CEP76: variants seen among roughly 807,000 people sequenced by gnomAD.
The protein encoded by CEP76 is centrosomal protein 76, also known as centrosomal protein of 76 kDa.
A neutral mutation model predicts 83.3 loss-of-function variants in CEP76; 55 were observed. The observed-to-expected ratio is 0.66, with a 90% confidence interval of 0.53 to 0.83. The LOEUF (loss-of-function observed/expected upper bound fraction) is 0.83, where lower values mean the gene tolerates loss of function less well. Among genes scored for constraint, CEP76 ranks in the 40% least tolerant of loss-of-function variants. The pLI is 0.00. For missense variants in CEP76, 694 were observed against 799.5 expected (o/e 0.87, Z 1.59); for synonymous variants, 270 against 274.5 (o/e 0.98, Z 0.16).
chr18:12,686,227 T>A (rs771969349), intron 8 of CEP76, 35 bp downstream of exon 8: 2 of 1,523,926 alleles, frequency 1.3e-6, no homozygotes, highest in African/African-American at 1.4e-5. Context: ...AACTATGATA[T>A]ACTGCTACTT....
chr18:12,696,263 G>C (rs1357260832), intron 5 of CEP76, among the ~76,000 whole-genome samples: 1 of 152,118 alleles, frequency 6.6e-6, no homozygotes, highest in Non-Finnish European at 1.5e-5. Context: ...CCAGCACTTT[G>C]GGAGGCCGAG....
chr18:12,672,513 T>C (rs8087452), downstream of CEP76: 234,056 of 236,386 alleles, frequency 0.99, 115,914 homozygotes, highest in Middle Eastern at 1. Context: ...ATCAATCTCT[T>C]ATTTAGATTA....
intron 7 of CEP76, among the ~76,000 whole-genome samples, chr18:12,689,631 C>T (rs2039674813): frequency 6.6e-6 from 1 of 152,166 alleles, no homozygotes; most frequent in Non-Finnish European, 1.5e-5. Flanking sequence ...TAGTGCATTT[C>T]AACTTCTTCC....
rs772814209 is a variant in CEP76, at chr18:12,700,930, TC to T, written c.219+27del. On this transcript the variant is annotated intron_variant, in intron 2 of 11. Coordinates refer to ENST00000262127, the MANE Select transcript of CEP76 (RefSeq NM_024899.4). ...CGCATTAGTATATACATATATACTCTCATTTATTTCCCTAAAAGATTACTCA... is the reference window on the plus strand; with the variant it reads ...CGCATTAGTATATACATATATACTCTATTTATTTCCCTAAAAGATTACTCA... 8.2e-6 allele frequency: 13 copies of T among 1,584,072 alleles called. No homozygotes were observed. The South Asian group carries it at 1.2e-4, about 15-fold the overall frequency.
At position 12,695,335 on chromosome 18, in the gene CEP76, AACTTT is replaced by A; in HGVS notation, c.718_722del (p.Lys240PhefsTer10). 3 of 1,528,438 alleles carry A rather than the reference AACTTT, an allele frequency of 2.0e-6. No homozygotes were observed. The highest frequency in any genetic ancestry group is 2.7e-6 in the Non-Finnish European group (3 of 1,111,566). 94.7% of individuals were successfully genotyped at this position (1,528,438 alleles called of 1,614,324 possible). On this transcript the variant is annotated frameshift_variant, in exon 6 of 12. Transcript: ENST00000262127. LOFTEE classifies it high-confidence loss of function. ...GTTTTATATTTAAAATTCCCACAGAAACTTTTGATTCTGTGCCTATAAACATAAAT... is the reference window on the plus strand; with the variant it reads ...GTTTTATATTTAAAATTCCCACAGAATGATTCTGTGCCTATAAACATAAAT...
chr18:12,701,106 A>G lies in CEP76; in HGVS notation c.71T>C (p.Val24Ala), dbSNP rs751320382. 18 of 1,610,372 alleles carry G rather than the reference A, an allele frequency of 1.1e-5. No homozygotes were observed. Among genetic ancestry groups the G allele is most frequent in the Admixed American group, 8.4e-5 (5 of 59,286 alleles). Residue 24 changes from valine to alanine, a missense_variant, in exon 2 of 12, where the codon GTC (valine) becomes GCC (alanine). Physicochemically the swap from Val to Ala is moderately conservative, Grantham distance 64. Transcript: ENST00000262127. ...LIHQQLSKMD[V>A]HGRIREILAE... ...AAGGATTTCTCTTATTCTACCATGG[A>G]CATCCATCTATGTAGAAAACTCATA...
rs913006600 is a variant in CEP76, at chr18:12,673,202, C to T, written c.*163G>A. Reference sequence around the variant, plus strand: ...TTCAGCCTTAATTTTTAAAGGAATGCATGATTTTTTTTAAACATTACCAGT... The same window carrying T: ...TTCAGCCTTAATTTTTAAAGGAATGTATGATTTTTTTTAAACATTACCAGT... On this transcript the variant is annotated 3_prime_UTR_variant, in exon 12 of 12. Coordinates refer to ENST00000262127, the MANE Select transcript of CEP76 (RefSeq NM_024899.4). 2 of 1,322,472 alleles carry T rather than the reference C, an allele frequency of 1.5e-6. No homozygotes were observed. Among genetic ancestry groups the T allele is most frequent in the Non-Finnish European group, 1.9e-6 (2 of 1,033,078 alleles). The allele number at this position is 1,322,472 out of a possible 1,614,324, so 81.9% of individuals were successfully genotyped here.
intron 8 of CEP76, among the ~76,000 whole-genome samples, chr18:12,682,138 T>G (rs2064790094): frequency 6.6e-6 from 1 of 152,174 alleles, no homozygotes; most frequent in Non-Finnish European, 1.5e-5. Context: ...ACTATTTGAG[T>G]TGAGTGTCCG....
intron 11 of CEP76, 79 bp from the exon 12 acceptor site, chr18:12,673,582 T>C: frequency 8.0e-7 from 1 of 1,246,024 alleles, no homozygotes; most frequent in East Asian, 2.7e-5. Flanking sequence ...AATCAGTATT[T>C]AAAATAATTT....
At chr18:12,685,451 A>C (rs1286451886) in intron 8 of CEP76, 2 of 152,112 alleles carry the variant, frequency 1.3e-5, no homozygotes, top group Admixed American at 6.6e-5. Context: ...ACATCACAGA[A>C]ATCACAATAA....
downstream of CEP76, chr18:12,670,785 C>A (rs776001760): frequency 6.6e-6 from 1 of 151,794 alleles, no homozygotes; most frequent in African/African-American, 2.4e-5. Context: ...GCAGCTGGGA[C>A]CACAGGTGTG....
Position 12,680,827 on chromosome 18 carries a change from C to A in CEP76, c.1124G>T (p.Gly375Val), listed in dbSNP as rs981530115. The change falls in exon 9 of 12, where the codon GGT becomes GTT. Residue 375 changes from glycine to valine, a missense_variant and splice_region_variant. By Grantham distance (109) the Gly-to-Val change is moderately radical (BLOSUM62 -3). Transcript: ENST00000262127. ...AAGGTTAGCGTGATCTTCACAGTCA[C>A]CCTGGAAGATAAATTAAAATGAAGT... is the stretch of plus-strand genomic sequence containing the variant. ...TLLAFLCRNK[G>V]DCEDHANLLC... 11 of 1,602,098 alleles carry A rather than the reference C, an allele frequency of 6.9e-6. No homozygotes were observed. The highest frequency in any genetic ancestry group is 1.3e-5 in the African/African-American group (1 of 74,298).
chr18:12,696,028 G>A (rs1362875514), intron 5 of CEP76, among the ~76,000 whole-genome samples: 3 of 152,086 alleles, frequency 2.0e-5, no homozygotes, highest in Non-Finnish European at 4.4e-5. Flanking sequence ...ACATCAAAAC[G>A]ATTTAATGTT....
chr18:12,689,135 T>G (rs1007006789), intron 7 of CEP76, among the ~76,000 whole-genome samples: 1 of 151,732 alleles, frequency 6.6e-6, no homozygotes, highest in Admixed American at 6.6e-5. Flanking sequence ...AAAAGTTCTT[T>G]ACTTTACTTT....
intron 12 of CEP76, among the ~76,000 whole-genome samples, chr18:12,665,389 A>G (rs1303096051): frequency 6.6e-6 from 1 of 152,028 alleles, no homozygotes; most frequent in Non-Finnish European, 1.5e-5. Context: ...TTCATGCCTT[A>G]TATGTATACT....
At chr18:12,702,450 G>A (rs776666703) in intron 1 of CEP76, 36 bp downstream of exon 1, 1 of 1,513,938 alleles carries the variant, frequency 6.6e-7, no homozygotes. Flanking sequence ...GTTATGGGTC[G>A]GCCCGGCGGT....
downstream of CEP76, among the ~76,000 whole-genome samples, chr18:12,668,734 CT>C (rs543253434): frequency 1.2e-3 from 119 of 96,730 alleles, no homozygotes; most frequent in African/African-American, 3.4e-3. Context: ...CACTTTATTC[CT>C]TTTTTTTTTT....
downstream of CEP76, among the ~76,000 whole-genome samples, chr18:12,669,057 T>TTTTTG: frequency 2.3e-5 from 3 of 128,734 alleles, no homozygotes; most frequent in Admixed American, 8.4e-5. Flanking sequence ...TTTTTTTTTT[T>TTTTTG]TGAGACAGAG....
chr18:12,683,903 G>T (rs1166033699), intron 8 of CEP76, among the ~76,000 whole-genome samples: 1 of 151,290 alleles, frequency 6.6e-6, no homozygotes, highest in Non-Finnish European at 1.5e-5. Context: ...AATATAAAAA[G>T]AAATAATAAA....
Sources: gnomAD v4.1 joint callset for allele counts (sites outside exome capture counted in the v4.1 genomes callset) on GRCh38, gnomAD v4.1.1 for gene constraint, MANE v1.5 for transcripts, NCBI Gene and HGNC (gene_info 2026-07-23, HGNC 2026-07-21) for gene names.